TNRC6A: variants seen among roughly 807,000 people sequenced by gnomAD.
TNRC6A encodes trinucleotide repeat containing adaptor 6A.
A neutral mutation model predicts 221.2 loss-of-function variants in TNRC6A; 44 were observed. That is an observed-to-expected ratio of 0.20 (90% CI 0.16 to 0.26). The LOEUF (loss-of-function observed/expected upper bound fraction) is 0.26. TNRC6A is among the 10% of genes least tolerant of loss of function. The pLI, the probability that TNRC6A is intolerant of heterozygous loss-of-function variation, is 1.00. For missense variants in TNRC6A, 2,199 were observed against 2,404.4 expected, an observed-to-expected ratio of 0.91 and a Z score of 1.79; for synonymous variants, 847 against 838.5, an observed-to-expected ratio of 1.01 and a Z score of -0.18.
chr16:24,766,137 C>T (rs934986225), intron 4 of TNRC6A, among the ~76,000 whole-genome samples: 2 of 151,984 alleles, frequency 1.3e-5, no homozygotes, highest in African/African-American at 2.4e-5. Flanking sequence ...TGTTTTTGCC[C>T]TTATAATTAA....
chr16:24,733,243 C>G (rs1343576537), intron 2 of TNRC6A, among the ~76,000 whole-genome samples: 1 of 152,104 alleles, frequency 6.6e-6, no homozygotes, highest in Non-Finnish European at 1.5e-5. Flanking sequence ...AACATGGAAG[C>G]CTAGACCCTA....
At chr16:24,712,710 C>G (rs1478049771) in intron 2 of TNRC6A, among the ~76,000 whole-genome samples, 1 of 152,050 alleles carries the variant, frequency 6.6e-6, no homozygotes, top group Non-Finnish European at 1.5e-5. Flanking sequence ...CTGCTGGTGA[C>G]CATTCCTTCA....
At chr16:24,657,338 A>C (rs200329854) in intron 2 of TNRC6A, among the ~76,000 whole-genome samples, 4,173 of 147,388 alleles carry the variant, frequency 0.028, 149 homozygotes, top group East Asian at 0.12. Context: ...AAAAAAAAAA[A>C]AAAACAAACA....
rs746335340 is a variant in TNRC6A, at chr16:24,789,354, G to A, written c.712G>A (p.Ala238Thr). ...AVVSDLSEKE[A>T]WPSAPGSDPE... is the part of the protein sequence containing the mutation. ...TGTAAGTGACTTGTCGGAAAAAGAA[G>A]CATGGCCCTCAGCCCCTGGCAGTGA... Residue 238 changes from alanine (A) to threonine (T), a missense_variant, in exon 6 of 25, where the codon GCA (alanine) becomes ACA (threonine). By Grantham distance (58) the Ala-to-Thr change is moderately conservative. Around this residue, in one of 8 missense-constraint regions of TNRC6A, gnomAD observed 1,405 missense variants for 1,400.2 expected, o/e 1.00. Coordinates refer to ENST00000395799, the MANE Select transcript of TNRC6A (RefSeq NM_014494.4). 1.4e-5 allele frequency: 22 copies of A among 1,614,230 alleles called. No homozygotes were observed. The South Asian group carries it at 2.0e-4, about 14-fold the overall frequency.
At position 24,791,441 on chromosome 16, in the gene TNRC6A, T is replaced by C. The variant is rs1227260899; in HGVS notation, c.2799T>C (p.Gly933=). 9.8e-6 allele frequency: 15 copies of C among 1,534,594 alleles called. No individual in the cohort carries two copies. Among genetic ancestry groups the C allele is most frequent in the Non-Finnish European group, 1.3e-5 (15 of 1,144,178 alleles). ...GDPPKSNQSL[G]WGDSSKPVSS... is the part of the protein sequence containing the mutation. The stretch of plus-strand genomic sequence containing the variant: ...CTCCAAAGTCTAATCAGTCTCTAGG[T>C]TGGGGAGATTCGTCAAAGCCAGTCA... Residue 933 remains glycine, a synonymous_variant, in exon 6 of 25, where the codon GGT becomes GGC. Coordinates refer to ENST00000395799, the MANE Select transcript of TNRC6A (RefSeq NM_014494.4).
intron 11 of TNRC6A, among the ~76,000 whole-genome samples, chr16:24,801,978 G>T (rs987925133): frequency 6.6e-6 from 1 of 152,198 alleles, no homozygotes; most frequent in African/African-American, 2.4e-5. Context: ...ACAGAGGAGG[G>T]AGCTGTGGTA....
intron 4 of TNRC6A, among the ~76,000 whole-genome samples, chr16:24,760,180 A>C (rs563396692): frequency 6.6e-6 from 1 of 152,084 alleles, no homozygotes; most frequent in Non-Finnish European, 1.5e-5. Flanking sequence ...TGTCTTTATC[A>C]GGCCTTTCAG....
intron 5 of TNRC6A, among the ~76,000 whole-genome samples, chr16:24,787,312 C>G (rs1237498411): frequency 6.6e-6 from 1 of 152,156 alleles, no homozygotes; most frequent in Non-Finnish European, 1.5e-5. Context: ...TCTTAGGCAC[C>G]TTGCTTTATG....
At chr16:24,677,300 T>C (rs993537177) in intron 2 of TNRC6A, among the ~76,000 whole-genome samples, 4 of 151,906 alleles carry the variant, frequency 2.6e-5, no homozygotes, top group Non-Finnish European at 2.9e-5. Context: ...GTAGCTGGGA[T>C]TACAGGCACC....
At chr16:24,768,966 A>G (rs1318071297) in intron 4 of TNRC6A, among the ~76,000 whole-genome samples, 2 of 152,242 alleles carry the variant, frequency 1.3e-5, no homozygotes, top group African/African-American at 2.4e-5. Flanking sequence ...ACTTGTAGAT[A>G]GTCAAAGTGA....
intron 8 of TNRC6A, 63 bp from the exon 9 acceptor site, chr16:24,795,844 G>T (rs1030211): frequency 4.8e-6 from 7 of 1,467,294 alleles, no homozygotes; most frequent in African/African-American, 2.9e-5. Context: ...AGGTCTTCCA[G>T]TTCCAAACCC....
chr16:24,633,281 AAT>A (rs1901445857), intron 1 of TNRC6A, among the ~76,000 whole-genome samples: 1 of 152,168 alleles, frequency 6.6e-6, no homozygotes, highest in South Asian at 2.1e-4. Context: ...AGAGGCCTTC[AAT>A]TTAAAGTACA....
chr16:24,675,658 G>GAC (rs2055394550), intron 2 of TNRC6A, among the ~76,000 whole-genome samples: 5 of 72,644 alleles, frequency 6.9e-5, no homozygotes, highest in Non-Finnish European at 1.1e-4. Context: ...TCCAGCCAGA[G>GAC]ACTCTCTCTC....
chr16:24,640,525 C>T (rs1253985640), intron 1 of TNRC6A, among the ~76,000 whole-genome samples: 1 of 151,464 alleles, frequency 6.6e-6, no homozygotes, highest in African/African-American at 2.4e-5. Context: ...CTCAGGAGTT[C>T]GAGACCAGCC....
chr16:24,757,719 C>T (rs1398567027), intron 3 of TNRC6A, among the ~76,000 whole-genome samples: 5 of 152,292 alleles, frequency 3.3e-5, no homozygotes, highest in African/African-American at 9.6e-5. Context: ...GTCAGTTCAG[C>T]TTCTGATCAC....
At chr16:24,681,082 A>G (rs888140009) in intron 2 of TNRC6A, among the ~76,000 whole-genome samples, 1 of 151,950 alleles carries the variant, frequency 6.6e-6, no homozygotes, top group Non-Finnish European at 1.5e-5. Context: ...ACTCAGAACC[A>G]TATCAAACAG....
intron 2 of TNRC6A, among the ~76,000 whole-genome samples, chr16:24,679,498 A>G (rs1020373228): frequency 3.3e-5 from 5 of 150,694 alleles, no homozygotes; most frequent in South Asian, 2.1e-4. Flanking sequence ...TTTTTCAAAG[A>G]CGGAGTCTTG....
At position 24,791,522 on chromosome 16, in the gene TNRC6A, A is replaced by AGCTACAGGCAAACCTCCT; in HGVS notation, c.2882_2899dup (p.Ala961_Pro966dup). 6.5e-7 allele frequency: 1 copy of AGCTACAGGCAAACCTCCT among 1,535,284 alleles called. No homozygotes were observed. Among genetic ancestry groups the AGCTACAGGCAAACCTCCT allele is most frequent in the Middle Eastern group, 1.8e-4 (1 of 5,648 alleles). The stretch of plus-strand genomic sequence containing the variant: ...TTGTTGGATCTTGGGGAATCCCACC[A>AGCTACAGGCAAACCTCCT]GCTACAGGCAAACCTCCTGGTACAG... On this transcript the variant is annotated inframe_insertion, in exon 6 of 25. Transcript: ENST00000395799.
intron 11 of TNRC6A, among the ~76,000 whole-genome samples, chr16:24,799,597 A>G (rs113031500): frequency 1.2e-3 from 181 of 152,378 alleles, no homozygotes; most frequent in African/African-American, 4.0e-3. Context: ...TGAATAAGGT[A>G]AAAACAGGAA....
Sources: gnomAD v4.1 joint callset for allele counts (sites outside exome capture counted in the v4.1 genomes callset) on GRCh38, gnomAD v4.1.1 for gene constraint, gnomAD v4.1.1 regional missense constraint, MANE v1.5 for transcripts, NCBI Gene and HGNC (gene_info 2026-07-23, HGNC 2026-07-21) for gene names.